Variants in FREM1 observed in about 807,000 individuals in gnomAD.
The protein encoded by FREM1 is FRAS1 related extracellular matrix 1.
In FREM1, 220 loss-of-function variants were observed where a neutral mutation model predicts 210.1. The ratio of observed to expected loss-of-function variants is 1.05; its 90% CI spans 0.94 to 1.17. FREM1 has a LOEUF of 1.17. Ranked by LOEUF, FREM1 falls within the 50% of genes most tolerant of loss-of-function variation. The probability of loss-of-function intolerance (pLI) is 0.00; values close to 1 mark genes in which losing one functional copy is unlikely to be tolerated. For synonymous variants in FREM1, 1,189 were observed against 980.2 expected (o/e 1.21, Z -3.98); for missense variants, 3,454 against 2,675.5 (o/e 1.29, Z -6.42).
chr9:14,859,554 T>C, intron 3 of FREM1, 70 bp from the exon 4 acceptor site: 1 of 1,337,380 alleles, frequency 7.5e-7, no homozygotes, highest in Non-Finnish European at 1.0e-6. Context: ...TGTACTCAGC[T>C]GGAAGACTAA....
At chr9:14,786,613 C>G (rs1850463386) in intron 23 of FREM1, among the ~76,000 whole-genome samples, 1 of 152,178 alleles carries the variant, frequency 6.6e-6, no homozygotes, top group Non-Finnish European at 1.5e-5. Flanking sequence ...ACCTGGGATG[C>G]TGCTAAACAT....
At chr9:14,863,945 T>A in intron 2 of FREM1, 42 bp from the exon 3 acceptor site, 1 of 1,270,510 alleles carries the variant, frequency 7.9e-7, no homozygotes, top group Non-Finnish European at 1.1e-6. Context: ...ATGAGAAAAT[T>A]GGTACAAGAT....
chr9:14,878,122 C>T (rs539816838), intron 1 of FREM1, among the ~76,000 whole-genome samples: 1 of 152,202 alleles, frequency 6.6e-6, no homozygotes, highest in East Asian at 1.9e-4. Flanking sequence ...TTACTTATAC[C>T]ATGTCACTGC....
Position 14,801,715 on chromosome 9 carries a change from G to GCTGT in FREM1, c.3630_3631insACAG (p.Pro1211ThrfsTer31), listed in dbSNP as rs1563960996. 6.2e-7 allele frequency: 1 copy of GCTGT among 1,613,954 alleles called. No homozygotes were observed. Among genetic ancestry groups the GCTGT allele is most frequent in the Admixed American group, 1.7e-5 (1 of 60,026 alleles). ...GCATGTTTCTGGTGAGGGTTGGCTG[G>GCTGT]CTGCTTATTCTCAGAGAAGTCTTTG... On this transcript the variant is annotated frameshift_variant, in exon 20 of 37. Coordinates refer to ENST00000380880, the MANE Select transcript of FREM1 (RefSeq NM_001379081.2). LOFTEE classifies it high-confidence loss of function.
intron 30 of FREM1, 56 bp from the exon 31 acceptor site, chr9:14,748,695 A>G: frequency 1.8e-6 from 2 of 1,115,908 alleles, no homozygotes; most frequent in Non-Finnish European, 2.7e-6. Context: ...CAGATAAGGT[A>G]TCACATTGAC....
At chr9:14,805,645 G>T (rs1818215417) in intron 18 of FREM1, among the ~76,000 whole-genome samples, 1 of 152,146 alleles carries the variant, frequency 6.6e-6, no homozygotes, top group South Asian at 2.1e-4. Flanking sequence ...TTTGACATGG[G>T]CTTAAATCCA....
intron 6 of FREM1, among the ~76,000 whole-genome samples, chr9:14,850,234 G>A (rs976244525): frequency 1.3e-5 from 2 of 152,142 alleles, no homozygotes; most frequent in Non-Finnish European, 1.5e-5. Context: ...GAGGAGAGAG[G>A]TGGAACCTGC....
Position 14,750,132 on chromosome 9 carries a change from T to A in FREM1, c.5552A>T (p.Lys1851Ile). ...GATGAGGATCAAAAGAATACCTCCT[T>A]TTGAGTCCAAAATTTTCACTGCAGC... ...TKAAVKILDS[K>I]GGQCHPSYSS... Residue 1851 changes from lysine (K) to isoleucine (I), a missense_variant, in exon 30 of 37, where the codon AAA becomes ATA. Transcript: ENST00000380880. 1.2e-6 allele frequency: 2 copies of A among 1,613,824 alleles called. No individual in the cohort carries two copies. The highest frequency in any genetic ancestry group is 1.7e-6 in the Non-Finnish European group (2 of 1,179,796).
intron 2 of FREM1, 38 bp downstream of exon 2, chr9:14,868,706 T>C: frequency 7.6e-7 from 1 of 1,316,140 alleles, no homozygotes; most frequent in South Asian, 1.2e-5. Flanking sequence ...CTTGCATTCA[T>C]ACACACGACT....
intron 22 of FREM1, among the ~76,000 whole-genome samples, chr9:14,792,488 T>C (rs1293031703): frequency 6.6e-6 from 1 of 152,144 alleles, no homozygotes; most frequent in African/African-American, 2.4e-5. Flanking sequence ...ACCCCAGTAA[T>C]TCCCTCCCTC....
intron 1 of FREM1, among the ~76,000 whole-genome samples, chr9:14,893,965 A>G (rs1837286868): frequency 6.6e-6 from 1 of 152,214 alleles, no homozygotes; most frequent in Non-Finnish European, 1.5e-5. Context: ...TAGAGCACTG[A>G]TCTTCTCTTT....
chr9:14,746,333 T>A lies in FREM1; in HGVS notation c.6254+20A>T. On this transcript the variant is annotated intron_variant, in intron 35 of 36. Transcript: ENST00000380880. ...TAGAGAAAAGAAAACACCAATCAAA[T>A]GTGCAATAGGGTGCCTTACTGTTCC... 6.6e-7 allele frequency: 1 copy of A among 1,509,960 alleles called. No homozygotes were observed. 93.5% of individuals were successfully genotyped at this position (1,509,960 alleles called of 1,614,324 possible).
intron 23 of FREM1, among the ~76,000 whole-genome samples, chr9:14,786,209 A>G (rs1850402898): frequency 6.6e-6 from 1 of 152,204 alleles, no homozygotes; most frequent in African/African-American, 2.4e-5. Context: ...GCTTGTGGTT[A>G]CAAAATTAAT....
intron 2 of FREM1, among the ~76,000 whole-genome samples, chr9:14,864,939 T>C (rs12351267): frequency 0.085 from 12,871 of 152,252 alleles, 1,658 homozygotes; most frequent in African/African-American, 0.28. Context: ...CAAATAGTCA[T>C]GGTAATAAAG....
rs566168986 is a variant in FREM1, at chr9:14,846,526, T to A, written c.1262-435A>T. On this transcript the variant is annotated intron_variant, in intron 7 of 36. Coordinates refer to ENST00000380880, the MANE Select transcript of FREM1 (RefSeq NM_001379081.2). Reference sequence around the variant, plus strand: ...CATATACCCCAGAACTTAAATTTTTTAAAAAAAGATAAGAAAAGGGTATTG... The same window carrying A: ...CATATACCCCAGAACTTAAATTTTTAAAAAAAAGATAAGAAAAGGGTATTG... 1.4e-4 allele frequency among the ~76,000 whole-genome samples: 22 copies of A among 152,056 alleles called. No individual in the cohort carries two copies. In the South Asian group the frequency reaches 3.1e-3, roughly 22 times the overall value.
At chr9:14,818,045 C>T (rs1820619938) in intron 14 of FREM1, among the ~76,000 whole-genome samples, 1 of 152,172 alleles carries the variant, frequency 6.6e-6, no homozygotes, top group Non-Finnish European at 1.5e-5. Flanking sequence ...GCTGAATGAA[C>T]TTGGGCAAAT....
chr9:14,748,525 T>G lies in FREM1; in HGVS notation c.5672A>C (p.His1891Pro). 6.2e-7 allele frequency: 1 copy of G among 1,613,716 alleles called. No individual in the cohort carries two copies. The change falls in exon 31 of 37, where the codon CAT (histidine) becomes CCT (proline). Residue 1891 changes from histidine (H) to proline (P), a missense_variant. Physicochemically the swap from His to Pro is moderately conservative, Grantham distance 77. Transcript: ENST00000380880. ...SSSSTTSGSF[H>P]LERRPLPSSM... is the part of the protein sequence containing the mutation. ...AGATGGAAGAGGTCTTCTTTCCAGA[T>G]GAAAGGAACCAGAAGTGGTGGATGA...
chr9:14,870,663 T>G (rs1340105463), intron 1 of FREM1, among the ~76,000 whole-genome samples: 4 of 152,052 alleles, frequency 2.6e-5, no homozygotes, highest in African/African-American at 4.8e-5. Context: ...TTCATTTTAT[T>G]ATTATTATAC....
At chr9:14,863,948 T>C (rs1205354281) in intron 2 of FREM1, 45 bp from the exon 3 acceptor site, 1 of 1,246,536 alleles carries the variant, frequency 8.0e-7, no homozygotes. Context: ...AGAAAATTGG[T>C]ACAAGATTTA....
Sources: gnomAD v4.1 joint callset for allele counts (sites outside exome capture counted in the v4.1 genomes callset) on GRCh38, gnomAD v4.1.1 for gene constraint, MANE v1.5 for transcripts, NCBI Gene and HGNC (gene_info 2026-07-23, HGNC 2026-07-21) for gene names.